The following SPICE1 variants were observed in gnomAD, a reference collection of about 807,000 sequenced individuals.
SPICE1 encodes the protein spindle and centriole associated protein 1.
Under a neutral mutation model 102.7 loss-of-function variants are expected in SPICE1, and 75 were observed. The observed-to-expected ratio is 0.73, with a 90% CI of 0.61 to 0.88. The LOEUF is 0.88. SPICE1 is among the 40% of genes least tolerant of loss of function. SPICE1 has a pLI of 0.00. For synonymous variants in SPICE1, 308 were observed against 350.3 expected, an observed-to-expected ratio of 0.88 and a Z score of 1.35; for missense variants, 979 against 1,020.1, an observed-to-expected ratio of 0.96 and a Z score of 0.55.
chr3:113,450,281 A>T, intron 15 of SPICE1, 55 bp downstream of exon 15: 1 of 1,606,812 alleles, frequency 6.2e-7, no homozygotes. Context: ...TGCAAAATCA[A>T]GAAAACTGAA....
At chr3:113,507,560 A>G (rs544025569) in intron 1 of SPICE1, among the ~76,000 whole-genome samples, 1 of 152,142 alleles carries the variant, frequency 6.6e-6, no homozygotes, top group East Asian at 1.9e-4. Flanking sequence ...TTTGCCCTCA[A>G]TCTTCCTTGC....
At position 113,489,029 on chromosome 3, in the gene SPICE1, G is replaced by C. The variant is rs1363553355; in HGVS notation, c.527C>G (p.Thr176Ser). The change falls in exon 7 of 18, where the codon ACT becomes AGT. Residue 176 changes from threonine to serine, a missense_variant. Thr to Ser is a moderately conservative substitution (Grantham distance 58, BLOSUM62 1). Transcript: ENST00000295872. ...ACTTTCTCCTGACTGGCTATTAACA[G>C]TTCCTTCTTCTTCACCATCTACATC... Reference protein sequence around the residue: ...LNDVDGEEEGTVNSQSGESEN... With the variant: ...LNDVDGEEEGSVNSQSGESEN... 6.2e-7 allele frequency: 1 copy of C among 1,613,012 alleles called. No homozygotes were observed. The highest frequency in any genetic ancestry group is 1.1e-5 in the South Asian group (1 of 91,040).
At chr3:113,508,690 C>T (rs1389106429) in intron 1 of SPICE1, among the ~76,000 whole-genome samples, 1 of 152,166 alleles carries the variant, frequency 6.6e-6, no homozygotes, top group African/African-American at 2.4e-5. Context: ...ACTTTGGAAA[C>T]AGCTGGCAAT....
intron 13 of SPICE1, among the ~76,000 whole-genome samples, chr3:113,455,294 C>A (rs1248191439): frequency 6.6e-6 from 1 of 152,138 alleles, no homozygotes; most frequent in Non-Finnish European, 1.5e-5. Context: ...CACACACCCA[C>A]TACTCGTTCA....
At chr3:113,502,118 A>G (rs543559667) in intron 3 of SPICE1, among the ~76,000 whole-genome samples, 32 of 152,246 alleles carry the variant, frequency 2.1e-4, no homozygotes, top group African/African-American at 7.5e-4. Context: ...GCTCATGCCT[A>G]TAATACCAGC....
At chr3:113,503,564 A>G (rs947770039) in intron 2 of SPICE1, among the ~76,000 whole-genome samples, 2 of 152,208 alleles carry the variant, frequency 1.3e-5, no homozygotes, top group South Asian at 2.1e-4. Flanking sequence ...AAGTTTAACT[A>G]AAGTTTTAGT....
intron 7 of SPICE1, among the ~76,000 whole-genome samples, chr3:113,469,557 T>C (rs1290561470): frequency 1.4e-5 from 2 of 147,708 alleles, no homozygotes; most frequent in East Asian, 1.9e-4. Flanking sequence ...CTAATTTATA[T>C]GTATATTATA....
At chr3:113,445,443 G>C in intron 17 of SPICE1, 83 bp from the exon 18 acceptor site, 3 of 1,162,326 alleles carry the variant, frequency 2.6e-6, no homozygotes, top group East Asian at 2.4e-5. Flanking sequence ...TTTAGACCAA[G>C]TGCATAAAAC....
chr3:113,511,267 C>T (rs1017773395), intron 1 of SPICE1, among the ~76,000 whole-genome samples: 2 of 151,906 alleles, frequency 1.3e-5, no homozygotes, highest in African/African-American at 2.4e-5. Flanking sequence ...TGCATATATA[C>T]CCAAAGGAAA....
At chr3:113,447,265 A>C (rs1416879886) in intron 16 of SPICE1, among the ~76,000 whole-genome samples, 4 of 152,200 alleles carry the variant, frequency 2.6e-5, no homozygotes, top group Non-Finnish European at 5.9e-5. Context: ...TGGAAAGATG[A>C]GTGGAAAGTA....
chr3:113,472,510 G>A (rs188475759), intron 7 of SPICE1, among the ~76,000 whole-genome samples: 4 of 152,196 alleles, frequency 2.6e-5, no homozygotes, highest in Admixed American at 6.5e-5. Flanking sequence ...CCTGACCCCC[G>A]AGCAGCCTAA....
intron 10 of SPICE1, among the ~76,000 whole-genome samples, chr3:113,466,655 A>G (rs559202042): frequency 6.6e-6 from 1 of 152,144 alleles, no homozygotes; most frequent in African/African-American, 2.4e-5. Flanking sequence ...AATACTCTCC[A>G]AGAGCCAAAA....
chr3:113,488,764 G>A (rs1936699880), intron 7 of SPICE1, among the ~76,000 whole-genome samples, 181 bp downstream of exon 7: 1 of 152,162 alleles, frequency 6.6e-6, no homozygotes, highest in African/African-American at 2.4e-5. Context: ...TGATGAATCT[G>A]AGTAAAGAGT....
rs976878104 is a variant in SPICE1 at position 113,444,455 on chromosome 3, T to C, written c.*852A>G. 6.9e-6 allele frequency: 1 copy of C among 143,930 alleles called. No homozygotes were observed. The highest frequency in any genetic ancestry group is 1.5e-5 in the Non-Finnish European group (1 of 66,960). The allele number at this position is 143,930 out of a possible 1,614,324, so 8.9% of individuals were successfully genotyped here. On this transcript the variant is annotated 3_prime_UTR_variant, in exon 18 of 18. Transcript: ENST00000295872. ...ACTGAGGTGGCAGTGAACCAGATTA[T>C]ACAACTGCACTCCAGCCTGGGCAAT...
intron 7 of SPICE1, among the ~76,000 whole-genome samples, 153 bp from the exon 8 acceptor site, chr3:113,469,391 T>C (rs1382466040): frequency 1.4e-5 from 2 of 146,776 alleles, no homozygotes; most frequent in African/African-American, 4.9e-5. Flanking sequence ...TAATTTTATA[T>C]ATAAATATGC....
chr3:113,497,064 C>T (rs1389560689), intron 4 of SPICE1, among the ~76,000 whole-genome samples: 1 of 152,156 alleles, frequency 6.6e-6, no homozygotes, highest in Non-Finnish European at 1.5e-5. Flanking sequence ...ATTTCCCAAC[C>T]ATCTTTGTAA....
intron 9 of SPICE1, 77 bp from the exon 10 acceptor site, chr3:113,468,481 C>T (rs1056060618): frequency 3.4e-6 from 5 of 1,475,984 alleles, no homozygotes; most frequent in Admixed American, 2.0e-5. Context: ...AATCTTTTGA[C>T]TATTGTTCAC....
chr3:113,507,643 G>C (rs1328281644), intron 1 of SPICE1, among the ~76,000 whole-genome samples: 2 of 152,006 alleles, frequency 1.3e-5, no homozygotes, highest in African/African-American at 4.8e-5. Context: ...TACAATTTCA[G>C]CCAAAGAAAA....
At chr3:113,475,380 T>C (rs1936316992) in intron 7 of SPICE1, among the ~76,000 whole-genome samples, 1 of 152,072 alleles carries the variant, frequency 6.6e-6, no homozygotes, top group African/African-American at 2.4e-5. Context: ...TACCATTCCT[T>C]CTGAAACTAT....
Sources: allele counts gnomAD v4.1 joint callset (sites outside exome capture counted in the v4.1 genomes callset), GRCh38; gene constraint gnomAD v4.1.1; transcripts MANE v1.5; gene names NCBI Gene and HGNC (gene_info 2026-07-23, HGNC 2026-07-21).